Variants in RPS27A observed in about 807,000 individuals in gnomAD.
The protein encoded by RPS27A is ubiquitin-ribosomal protein eS31 fusion protein.
In RPS27A, 1 loss-of-function variant was observed where a neutral mutation model predicts 18.9. The observed-to-expected ratio is 0.05, with a 90% confidence interval of 0.02 to 0.25. The LOEUF is 0.25. Ranked by LOEUF, RPS27A falls within the 10% of genes least tolerant of loss-of-function variation. RPS27A has a pLI of 1.00. For synonymous variants in RPS27A, 77 were observed against 63.7 expected, an observed-to-expected ratio of 1.21 and a Z score of -0.99; for missense variants, 123 against 187.4, an observed-to-expected ratio of 0.66 and a Z score of 2.01.
chr2:55,232,757 T>C (rs2104209448), intron 1 of RPS27A, 49 bp downstream of exon 1: 2 of 1,441,308 alleles, frequency 1.4e-6, no homozygotes, highest in East Asian at 4.6e-5. Flanking sequence ...CTATGGTGCC[T>C]TCTCTTGTGA....
rs185993756 is a variant in RPS27A, at chr2:55,234,372, C to G, written c.189+168C>G. On this transcript the variant is annotated intron_variant, in intron 4 of 5. Transcript: ENST00000272317. The stretch of plus-strand genomic sequence containing the variant: ...ACTCAGGTGGTCCTCCCACCTCAGC[C>G]TCCTGTAGTTGGAACTATAGGCACC... 397 of 645,300 alleles carry G rather than the reference C, an allele frequency of 6.2e-4. 1 individual carries two copies. In the African/African-American group the frequency reaches 6.5e-3, roughly 11 times the overall value. The allele number at this position is 645,300 out of a possible 1,614,324, so 40.0% of individuals were successfully genotyped here. A position where few individuals can be genotyped will look rare whatever the true frequency, so the allele number is the denominator to read the frequency against.
At chr2:55,234,480 G>A (rs751087066) in intron 4 of RPS27A, 2 of 557,498 alleles carry the variant, frequency 3.6e-6, no homozygotes, top group East Asian at 3.1e-5. Context: ...GATTACAGAC[G>A]TGAGCCACTC....
Position 55,232,881 on chromosome 2 carries a change from C to G in RPS27A, c.48+9C>G. ...AGACCATCACCCTCGAGGTACGGGC[C>G]GGGTGGTCATGAGGAAGCCAAGGTC... is the stretch of plus-strand genomic sequence containing the variant. On this transcript the variant is annotated intron_variant, in intron 2 of 5. Coordinates refer to ENST00000272317, the MANE Select transcript of RPS27A (RefSeq NM_002954.6). 3 of 1,611,242 alleles carry G rather than the reference C, an allele frequency of 1.9e-6. No homozygotes were observed. Among genetic ancestry groups the G allele is most frequent in the Non-Finnish European group, 2.5e-6 (3 of 1,178,498 alleles).
intron 5 of RPS27A, 93 bp from the exon 6 acceptor site, chr2:55,235,335 T>C (rs1326204339): frequency 3.6e-6 from 5 of 1,403,694 alleles, no homozygotes; most frequent in Non-Finnish European, 5.0e-6. Context: ...CCACCAGTAT[T>C]ACACAGTTAA....
upstream of RPS27A, chr2:55,232,639 C>A: frequency 1.5e-6 from 1 of 678,442 alleles, no homozygotes; most frequent in Non-Finnish European, 2.7e-6. Flanking sequence ...AGGGGTGGGT[C>A]CTTCGGCGGG....
Position 55,235,774 on chromosome 2 carries a change from T to G in RPS27A, c.*197T>G. ...ATACCTGCCAGGTGCCAACCACTTG[T>G]AAAGGTCTTGATATTTTCAATTCTT... is the stretch of plus-strand genomic sequence containing the variant. On this transcript the variant is annotated 3_prime_UTR_variant, in exon 6 of 6. Transcript: ENST00000272317. The G allele has an allele frequency of 1.6e-6, 1 of 627,526 alleles. No homozygotes were observed. Among genetic ancestry groups the G allele is most frequent in the Non-Finnish European group, 2.8e-6 (1 of 354,818 alleles). 38.9% of individuals were successfully genotyped at this position (627,526 alleles called of 1,614,324 possible).
chr2:55,235,578 C>A lies in RPS27A; in HGVS notation c.*1C>A, dbSNP rs148807785. ...TTTCAACAAACCAGAAGACAAGTAA[C>A]TGTATGAGTTAATAAAAGACATGAA... is the stretch of plus-strand genomic sequence containing the variant. On this transcript the variant is annotated 3_prime_UTR_variant, in exon 6 of 6. Coordinates refer to ENST00000272317, the MANE Select transcript of RPS27A (RefSeq NM_002954.6). 2.7e-4 allele frequency: 432 copies of A among 1,601,062 alleles called. No individual in the cohort carries two copies. In the African/African-American group the frequency reaches 5.4e-3, roughly 20 times the overall value.
intron 5 of RPS27A, 36 bp downstream of exon 5, chr2:55,234,998 T>A: frequency 6.2e-7 from 1 of 1,608,302 alleles, no homozygotes; most frequent in Non-Finnish European, 8.5e-7. Context: ...CAGCAAAGTC[T>A]TGGCTTATTT....
intron 3 of RPS27A, 62 bp from the exon 4 acceptor site, chr2:55,234,057 T>C (rs540941025): frequency 4.1e-5 from 44 of 1,062,416 alleles, no homozygotes; most frequent in Non-Finnish European, 5.6e-5. Context: ...TGTTACCTTA[T>C]AAGTCTGGAG....
rs555495320 is a variant in RPS27A at position 55,233,267 on chromosome 2, G to T, written c.49-96G>T. 10 of 1,059,430 alleles carry T rather than the reference G, an allele frequency of 9.4e-6. 1 individual carries two copies. The South Asian group carries it at 1.2e-4, about 12-fold the overall frequency. 65.6% of individuals were successfully genotyped at this position (1,059,430 alleles called of 1,614,324 possible). On this transcript the variant is annotated intron_variant, in intron 2 of 5. Coordinates refer to ENST00000272317, the MANE Select transcript of RPS27A (RefSeq NM_002954.6). Reference sequence around the variant, plus strand: ...GGTCTCTCGAGTAGGTCTCAGCCCTGTCGCTGGTTCGGTTCAGTGGTAATT... The same window carrying T: ...GGTCTCTCGAGTAGGTCTCAGCCCTTTCGCTGGTTCGGTTCAGTGGTAATT...
upstream of RPS27A, chr2:55,232,665 C>G (rs1404091035): frequency 1.4e-6 from 1 of 732,100 alleles, no homozygotes; most frequent in African/African-American, 1.7e-5. Context: ...CGGGAAACCC[C>G]GTGGGCCTGC....
In RPS27A at chr2:55,234,822, C is replaced by T. The variant is rs531352344; in HGVS notation, c.190-9C>T. On this transcript the variant is annotated splice_polypyrimidine_tract_variant and intron_variant, in intron 4 of 5. Transcript: ENST00000272317. ...ATCATGAAAGCTTGCTTCATTCTTCCATTAACAGGAGTCTACTCTTCATCT... is the reference window on the plus strand; with the variant it reads ...ATCATGAAAGCTTGCTTCATTCTTCTATTAACAGGAGTCTACTCTTCATCT... The T allele has an allele frequency of 5.4e-5, 87 of 1,611,758 alleles. No homozygotes were observed. The highest frequency in any genetic ancestry group is 7.2e-5 in the Non-Finnish European group (85 of 1,179,888).
At position 55,232,866 on chromosome 2, in the gene RPS27A, C is replaced by T. The variant is rs552269596; in HGVS notation, c.42C>T (p.Thr14=). 6 of 1,611,536 alleles carry T rather than the reference C, an allele frequency of 3.7e-6. No homozygotes were observed. Among genetic ancestry groups the T allele is most frequent in the African/African-American group, 2.7e-5 (2 of 74,522 alleles). ...AAACCCTTACGGGGAAGACCATCAC[C>T]CTCGAGGTACGGGCCGGGTGGTCAT... ...FVKTLTGKTI[T]LEVEPSDTIE... is the part of the protein sequence containing the mutation. The change falls in exon 2 of 6, where the codon ACC becomes ACT. Residue 14 remains threonine, a synonymous_variant. Transcript: ENST00000272317.
upstream of RPS27A, chr2:55,232,352 C>G: frequency 3.7e-6 from 1 of 266,776 alleles, no homozygotes; most frequent in South Asian, 4.0e-5. Context: ...CAGTGGAGAA[C>G]TACAGTTCCC....
In RPS27A at chr2:55,232,848, T is replaced by A; in HGVS notation, c.24T>A (p.Leu8=). Residue 8 remains leucine, a synonymous_variant, in exon 2 of 6, where the codon CTT becomes CTA. Coordinates refer to ENST00000272317, the MANE Select transcript of RPS27A (RefSeq NM_002954.6). Reference sequence around the variant, plus strand: ...AAATGCAGATTTTCGTGAAAACCCTTACGGGGAAGACCATCACCCTCGAGG... The same window carrying A: ...AAATGCAGATTTTCGTGAAAACCCTAACGGGGAAGACCATCACCCTCGAGG... The part of the protein sequence containing the change: MQIFVKT[L]TGKTITLEVE... The A allele has an allele frequency of 6.2e-7, 1 of 1,613,012 alleles. No homozygotes were observed. The highest frequency in any genetic ancestry group is 2.2e-5 in the East Asian group (1 of 44,870).
chr2:55,234,408 C>G, intron 4 of RPS27A: 1 of 601,052 alleles, frequency 1.7e-6, no homozygotes. Context: ...CGCCACCATG[C>G]CCAGGCTGGT....
chr2:55,234,344 C>T, intron 4 of RPS27A, 140 bp downstream of exon 4: 1 of 692,170 alleles, frequency 1.4e-6, no homozygotes, highest in Non-Finnish European at 2.6e-6. Context: ...CTCCACCTCT[C>T]AGACTCAGGT....
rs752260465 is a variant in RPS27A, at chr2:55,235,453, G to A, written c.347G>A (p.Arg116His). 1.9e-6 allele frequency: 3 copies of A among 1,611,896 alleles called. No homozygotes were observed. The highest frequency in any genetic ancestry group is 2.5e-6 in the Non-Finnish European group (3 of 1,179,860). Reference protein sequence around the residue: ...YKVDENGKISRLRRECPSDEC... With the variant: ...YKVDENGKISHLRRECPSDEC... ...GTGGATGAGAATGGCAAAATTAGTC[G>A]CCTTCGTCGAGAGTGCCCTTCTGAT... is the stretch of plus-strand genomic sequence containing the variant. Residue 116 changes from arginine (R) to histidine (H), a missense_variant, in exon 6 of 6, where the codon CGC becomes CAC. This residue lies in a region of RPS27A where 57 missense variants were observed against 114.8 expected (regional missense o/e 0.50). Coordinates refer to ENST00000272317, the MANE Select transcript of RPS27A (RefSeq NM_002954.6).
Position 55,232,817 on chromosome 2 carries a change from C to A in RPS27A, c.-8C>A. On this transcript the variant is annotated 5_prime_UTR_variant, in exon 2 of 6. Coordinates refer to ENST00000272317, the MANE Select transcript of RPS27A (RefSeq NM_002954.6). The stretch of plus-strand genomic sequence containing the variant: ...TTTTCCTCAACCTCAGGTGGAGCCG[C>A]CACCAAAATGCAGATTTTCGTGAAA... The A allele has an allele frequency of 6.2e-7, 1 of 1,612,130 alleles. No individual in the cohort carries two copies. Among genetic ancestry groups the A allele is most frequent in the Non-Finnish European group, 8.5e-7 (1 of 1,179,170 alleles).
Sources: gnomAD v4.1 joint callset for allele counts on GRCh38, gnomAD v4.1.1 for gene constraint, gnomAD v4.1.1 regional missense constraint, MANE v1.5 for transcripts, NCBI Gene and HGNC (gene_info 2026-07-23, HGNC 2026-07-21) for gene names.